ELOVL5: variants seen among roughly 807,000 people sequenced by gnomAD.
ELOVL5 encodes the protein very long chain fatty acid elongase 5.
Under a neutral mutation model 38.6 loss-of-function variants are expected in ELOVL5, and 8 were observed. The observed-to-expected ratio is 0.21, with a 90% CI of 0.12 to 0.37. ELOVL5 has a LOEUF of 0.37. Among genes scored for constraint, ELOVL5 ranks in the 10% least tolerant of loss-of-function variants. The pLI, the probability that ELOVL5 is intolerant of heterozygous loss-of-function variation, is 1.00. For synonymous variants in ELOVL5, 127 were observed against 133.7 expected, an observed-to-expected ratio of 0.95 and a Z score of 0.34; for missense variants, 280 against 367.8, an observed-to-expected ratio of 0.76 and a Z score of 1.95.
chr6:53,317,619 G>A (rs1421361180), intron 1 of ELOVL5, among the ~76,000 whole-genome samples: 1 of 151,822 alleles, frequency 6.6e-6, no homozygotes, highest in Non-Finnish European at 1.5e-5. Context: ...ATAGGAAGGG[G>A]AGCGTCACAC....
In ELOVL5 at chr6:53,273,256, G is replaced by A. The variant is rs1369295119; in HGVS notation, c.585C>T (p.Tyr195=). Residue 195 remains tyrosine (Y), a synonymous_variant, in exon 6 of 8, where the codon TAC becomes TAT. Transcript: ENST00000304434. ...GAGTGATGTACTTCTTCCACCAGAGGTATGGACGCATGGAAGGGACTGACG... is the reference window on the plus strand; with the variant it reads ...GAGTGATGTACTTCTTCCACCAGAGATATGGACGCATGGAAGGGACTGACG... ...GLSSVPSMRP[Y]LWWKKYITQG... is the part of the protein sequence containing the mutation. The A allele has an allele frequency of 1.2e-6, 2 of 1,613,898 alleles. No individual in the cohort carries two copies. The highest frequency in any genetic ancestry group is 1.7e-5 in the Admixed American group (1 of 60,020).
chr6:53,296,306 T>C (rs1318292262), intron 1 of ELOVL5, among the ~76,000 whole-genome samples: 1 of 152,172 alleles, frequency 6.6e-6, no homozygotes, highest in Admixed American at 6.5e-5. Context: ...TTCTTCAATA[T>C]ACTTCCAGAG....
chr6:53,342,964 C>T (rs1184637661), intron 1 of ELOVL5, among the ~76,000 whole-genome samples: 1 of 152,116 alleles, frequency 6.6e-6, no homozygotes, highest in East Asian at 1.9e-4. Flanking sequence ...TACAAGTCCA[C>T]TAAAAATGTT....
intron 1 of ELOVL5, among the ~76,000 whole-genome samples, chr6:53,296,214 TA>T (rs1032195629): frequency 2.0e-5 from 3 of 151,870 alleles, no homozygotes; most frequent in South Asian, 2.1e-4. Flanking sequence ...TATTAAAAAT[TA>T]AAAAAAAGGG....
At chr6:53,291,643 C>G in intron 3 of ELOVL5, 133 bp downstream of exon 3, 1 of 560,548 alleles carries the variant, frequency 1.8e-6, no homozygotes, top group East Asian at 3.1e-5. Context: ...ACACTCATAA[C>G]GCATTAAGAT....
intron 1 of ELOVL5, among the ~76,000 whole-genome samples, chr6:53,303,364 G>A (rs549001197): frequency 6.6e-6 from 1 of 152,226 alleles, no homozygotes; most frequent in East Asian, 1.9e-4. Flanking sequence ...AATATCTACC[G>A]CACCAACAGT....
chr6:53,275,187 G>A lies in ELOVL5; in HGVS notation c.399C>T (p.Arg133=), dbSNP rs781433639. 3.1e-6 allele frequency: 5 copies of A among 1,614,158 alleles called. No homozygotes were observed. Among genetic ancestry groups the A allele is most frequent in the Non-Finnish European group, 4.2e-6 (5 of 1,180,018 alleles). The part of the protein sequence containing the change: ...EFMDTFFFIL[R]KNNHQITVLH... ...GGACCGTGATCTGGTGGTTGTTCTT[G>A]CGCAGGATGAAGAAGAAAGTGTCCA... Residue 133 remains arginine (R), a synonymous_variant, in exon 5 of 8, where the codon CGC becomes CGT. Transcript: ENST00000304434.
intron 5 of ELOVL5, among the ~76,000 whole-genome samples, chr6:53,274,754 A>G (rs1378211021): frequency 6.6e-6 from 1 of 152,128 alleles, no homozygotes; most frequent in Non-Finnish European, 1.5e-5. Flanking sequence ...GTGTGATCCT[A>G]TTTTCCTCAC....
chr6:53,313,653 T>C (rs1375970656), intron 1 of ELOVL5, among the ~76,000 whole-genome samples: 2 of 152,208 alleles, frequency 1.3e-5, no homozygotes, highest in South Asian at 2.1e-4. Flanking sequence ...TGAGCCACCA[T>C]GCCTGGCTAA....
At chr6:53,301,769 A>C (rs572305080) in intron 1 of ELOVL5, among the ~76,000 whole-genome samples, 1 of 152,372 alleles carries the variant, frequency 6.6e-6, no homozygotes, top group South Asian at 2.1e-4. Context: ...CACATTTTCC[A>C]AAAGACACTC....
At chr6:53,292,401 C>T (rs886558373) in intron 2 of ELOVL5, among the ~76,000 whole-genome samples, 3 of 152,218 alleles carry the variant, frequency 2.0e-5, no homozygotes, top group African/African-American at 4.8e-5. Flanking sequence ...ACTCAGAAAA[C>T]GTGCTGCTTA....
intron 6 of ELOVL5, among the ~76,000 whole-genome samples, chr6:53,271,780 G>T (rs1320463613): frequency 6.6e-6 from 1 of 151,920 alleles, no homozygotes; most frequent in Non-Finnish European, 1.5e-5. Context: ...TCTTTTTTAA[G>T]GTTAGTACTG....
intron 1 of ELOVL5, among the ~76,000 whole-genome samples, chr6:53,302,137 C>T (rs1051271616): frequency 2.0e-5 from 3 of 152,166 alleles, no homozygotes; most frequent in African/African-American, 4.8e-5. Context: ...CCTGGAAATA[C>T]TAACACGAGC....
At position 53,268,067 on chromosome 6, in the gene ELOVL5, A is replaced by G. The variant is rs1581911684; in HGVS notation, c.*1060T>C. On this transcript the variant is annotated 3_prime_UTR_variant, in exon 8 of 8. Coordinates refer to ENST00000304434, the MANE Select transcript of ELOVL5 (RefSeq NM_021814.5). Reference sequence around the variant, plus strand: ...GTAGCTATATTTGATTTTACCTTAAAAAGTTCTAAGGTCCTTTCCCCCCCT... The same window carrying G: ...GTAGCTATATTTGATTTTACCTTAAGAAGTTCTAAGGTCCTTTCCCCCCCT... 1 of 152,306 alleles carries G rather than the reference A, an allele frequency of 6.6e-6. No individual in the cohort carries two copies. The highest frequency in any genetic ancestry group is 2.1e-4 in the South Asian group (1 of 4,826). 9.4% of individuals were successfully genotyped at this position (152,306 alleles called of 1,614,324 possible). A position where few individuals can be genotyped will look rare whatever the true frequency, so the allele number is the denominator to read the frequency against.
At position 53,291,966 on chromosome 6, in the gene ELOVL5, G is replaced by GA; in HGVS notation, c.59-4dup. ...AAACCATCCTTTTACTCTAGTATCT[G>GA]AAAAATTAAAAAAAATTAATGATAT... On this transcript the variant is annotated splice_region_variant and splice_polypyrimidine_tract_variant and intron_variant, in intron 2 of 7. Transcript: ENST00000304434. 6.8e-7 allele frequency: 1 copy of GA among 1,466,508 alleles called. No individual in the cohort carries two copies. Among genetic ancestry groups the GA allele is most frequent in the Non-Finnish European group, 9.1e-7 (1 of 1,095,702 alleles). 90.8% of individuals were successfully genotyped at this position (1,466,508 alleles called of 1,614,324 possible). A position where few individuals can be genotyped will look rare whatever the true frequency, so the allele number is the denominator to read the frequency against.
At position 53,271,521 on chromosome 6, in the gene ELOVL5, G is replaced by C. The variant is rs558895629; in HGVS notation, c.622-794C>G. 1.7e-3 allele frequency among the ~76,000 whole-genome samples: 259 copies of C among 152,078 alleles called. 2 individuals are homozygous for C. The highest frequency in any genetic ancestry group is 6.0e-3 in the African/African-American group (249 of 41,482). ...ACCGAGATCGCGCCACTGCACTCCA[G>C]CCTGGTGACAGAGCGAGACTCCAGC... On this transcript the variant is annotated intron_variant, in intron 6 of 7. Transcript: ENST00000304434.
chr6:53,323,040 T>A (rs956514836), intron 1 of ELOVL5, among the ~76,000 whole-genome samples: 2 of 152,218 alleles, frequency 1.3e-5, no homozygotes, highest in African/African-American at 4.8e-5. Flanking sequence ...TTTAATTTAA[T>A]CTTCTCAGTA....
rs961002488 is a variant in ELOVL5 at position 53,274,987 on chromosome 6, C to T, written c.496+103G>A. ...GCAACTTGAACACAAAGCTGAAAGC[C>T]TGACCTAGACATTTACAGAAACAGC... On this transcript the variant is annotated intron_variant, in intron 5 of 7. Transcript: ENST00000304434. 2.1e-5 allele frequency: 24 copies of T among 1,142,674 alleles called. No homozygotes were observed. In the African/African-American group the frequency reaches 3.6e-4, roughly 17 times the overall value. 70.8% of individuals were successfully genotyped at this position (1,142,674 alleles called of 1,614,324 possible). A position where few individuals can be genotyped will look rare whatever the true frequency, so the allele number is the denominator to read the frequency against.
chr6:53,323,557 C>A (rs1195279978), intron 1 of ELOVL5, among the ~76,000 whole-genome samples: 3 of 149,554 alleles, frequency 2.0e-5, no homozygotes, highest in African/African-American at 7.4e-5. Context: ...ATGGCTCTAC[C>A]ACGTCCAATA....
Sources: allele counts gnomAD v4.1 joint callset (sites outside exome capture counted in the v4.1 genomes callset), GRCh38; gene constraint gnomAD v4.1.1; transcripts MANE v1.5; gene names NCBI Gene and HGNC (gene_info 2026-07-23, HGNC 2026-07-21).